Variants in TMEM132C observed in about 807,000 individuals in gnomAD.
The protein encoded by TMEM132C is transmembrane protein 132C.
In TMEM132C, 29 loss-of-function variants were observed where a neutral mutation model predicts 61.4. The ratio of observed to expected loss-of-function variants is 0.47; its 90% CI spans 0.35 to 0.64. TMEM132C has a LOEUF of 0.64. TMEM132C is among the 30% of genes least tolerant of loss of function. The pLI, the probability that TMEM132C is intolerant of heterozygous loss-of-function variation, is 0.00. For missense variants in TMEM132C, 1,408 were observed against 1,476.9 expected (o/e 0.95, Z 0.76); for synonymous variants, 656 against 633.1 (o/e 1.04, Z -0.54).
At position 128,278,122 on chromosome 12, in the gene TMEM132C, G is replaced by A. The variant is rs375655778; in HGVS notation, c.85+10635G>A. On this transcript the variant is annotated intron_variant, in intron 1 of 8. Transcript: ENST00000435159. This position sits in a 1 kb window ranked among gnomAD's most constrained non-coding sequence, Gnocchi z 4.2. ...AGTTTCTCATGCCGCAGCTGTATACGGTGACCCTAAAAGGCTTGCCCCTCT... is the reference window on the plus strand; with the variant it reads ...AGTTTCTCATGCCGCAGCTGTATACAGTGACCCTAAAAGGCTTGCCCCTCT... Among the ~76,000 whole-genome samples the A allele has an allele frequency of 5.3e-5, 8 of 151,974 alleles. No homozygotes were observed. The highest frequency in any genetic ancestry group is 3.9e-4 in the East Asian group (2 of 5,152).
intron 2 of TMEM132C, among the ~76,000 whole-genome samples, chr12:128,508,948 T>C (rs1872478647): frequency 6.6e-6 from 1 of 152,112 alleles, no homozygotes; most frequent in Non-Finnish European, 1.5e-5. Context: ...AGACTGAGCT[T>C]TAGGAGAGGA....
At chr12:128,659,963 C>T (rs1954369240) in intron 4 of TMEM132C, among the ~76,000 whole-genome samples, 1 of 152,204 alleles carries the variant, frequency 6.6e-6, no homozygotes, top group African/African-American at 2.4e-5. Flanking sequence ...ATCTCAGCTC[C>T]ACCGCGCTGC....
At chr12:128,545,553 G>A (rs573554033) in intron 3 of TMEM132C, among the ~76,000 whole-genome samples, 2 of 152,260 alleles carry the variant, frequency 1.3e-5, no homozygotes, top group South Asian at 2.1e-4. Context: ...CACTGTGATC[G>A]AACTAATTTA....
intron 3 of TMEM132C, among the ~76,000 whole-genome samples, chr12:128,609,766 G>C (rs564002027): frequency 6.6e-6 from 1 of 152,248 alleles, no homozygotes; most frequent in African/African-American, 2.4e-5. Flanking sequence ...GGGTGTGTTA[G>C]CTTAGCTCAG....
chr12:128,556,255 GT>G (rs897084924), intron 3 of TMEM132C, among the ~76,000 whole-genome samples: 127 of 152,310 alleles, frequency 8.3e-4, no homozygotes, highest in African/African-American at 3.0e-3. Flanking sequence ...AAGCCCCACA[GT>G]TTATCATCCC....
rs534615222 is a variant in TMEM132C, at chr12:128,568,060, C to T, written c.1121+23957C>T. On this transcript the variant is annotated intron_variant, in intron 3 of 8. Coordinates refer to ENST00000435159, the MANE Select transcript of TMEM132C (RefSeq NM_001136103.3). ...TCATGCAGAGACATTTACTGCTGGC[C>T]TCCTCCACAGTGCCTCGGTGTGCAG... is the stretch of plus-strand genomic sequence containing the variant. Among the ~76,000 whole-genome samples the T allele has an allele frequency of 3.9e-5, 6 of 152,330 alleles. No homozygotes were observed. The South Asian group carries it at 8.3e-4, about 21-fold the overall frequency.
intron 8 of TMEM132C, among the ~76,000 whole-genome samples, chr12:128,704,406 A>T (rs1046366739): frequency 6.6e-6 from 1 of 152,150 alleles, no homozygotes; most frequent in Non-Finnish European, 1.5e-5. Flanking sequence ...AGGGCAGCAC[A>T]ATTGAACCGG....
rs1478523998 is a variant in TMEM132C at position 128,707,161 on chromosome 12, C to T, written c.*866C>T. 1 of 152,058 alleles carries T rather than the reference C, an allele frequency of 6.6e-6. No individual in the cohort carries two copies. Among genetic ancestry groups the T allele is most frequent in the Non-Finnish European group, 1.5e-5 (1 of 68,046 alleles). 9.4% of individuals were successfully genotyped at this position (152,058 alleles called of 1,614,324 possible). A position where few individuals can be genotyped will look rare whatever the true frequency, so the allele number is the denominator to read the frequency against. ...AACTGTCCTTAATCCATCACCACTA[C>T]CATAGGGCAAAGCCAGCAGGTGTGG... On this transcript the variant is annotated 3_prime_UTR_variant, in exon 9 of 9. Transcript: ENST00000435159.
chr12:128,618,016 A>G (rs1876869280), intron 4 of TMEM132C, among the ~76,000 whole-genome samples: 1 of 152,220 alleles, frequency 6.6e-6, no homozygotes, highest in South Asian at 2.1e-4. Context: ...ACATTTTTAA[A>G]TGGTCCTGTC....
At chr12:128,496,902 G>A (rs1871981175) in intron 2 of TMEM132C, among the ~76,000 whole-genome samples, 1 of 152,184 alleles carries the variant, frequency 6.6e-6, no homozygotes, top group African/African-American at 2.4e-5. Flanking sequence ...GAAGGGGAGA[G>A]GTGCTCTGAT....
intron 1 of TMEM132C, among the ~76,000 whole-genome samples, chr12:128,323,756 C>G (rs1046203536): frequency 1.3e-5 from 2 of 152,206 alleles, no homozygotes; most frequent in African/African-American, 4.8e-5. Context: ...AGCCGGGAAG[C>G]AGCTTGCCTG....
At chr12:128,434,895 T>G (rs570723953) in intron 2 of TMEM132C, among the ~76,000 whole-genome samples, 1 of 152,242 alleles carries the variant, frequency 6.6e-6, no homozygotes, top group East Asian at 1.9e-4. Context: ...GTGCTGGGAT[T>G]GCAGGTGTGA....
At position 128,447,768 on chromosome 12, in the gene TMEM132C, G is replaced by A. The variant is rs541369173; in HGVS notation, c.974+32148G>A. ...GGAGTCTCGCTCTGTCGCCCAGGCC[G>A]GACTGCGGACTGCAGTGGCGCAATC... is the stretch of plus-strand genomic sequence containing the variant. On this transcript the variant is annotated intron_variant, in intron 2 of 8. Transcript: ENST00000435159. 1.4e-3 allele frequency among the ~76,000 whole-genome samples: 110 copies of A among 78,850 alleles called. 18 individuals carry two copies. The highest frequency in any genetic ancestry group is 7.5e-3 in the African/African-American group (104 of 13,890). The allele number at this position is 78,850 out of a possible 152,430, so 51.7% of individuals were successfully genotyped here. A position where few individuals can be genotyped will look rare whatever the true frequency, so the allele number is the denominator to read the frequency against.
intron 2 of TMEM132C, among the ~76,000 whole-genome samples, chr12:128,422,431 G>A (rs1206696027): frequency 2.0e-5 from 3 of 152,182 alleles, no homozygotes; most frequent in Non-Finnish European, 4.4e-5. Context: ...CAGAGGCGGT[G>A]ATCATTCATC....
rs1461304458 is a variant in TMEM132C, at chr12:128,307,440, T to A, written c.85+39953T>A. Reference sequence around the variant, plus strand: ...TCTCCAGATTTGAAAAAAAAAAAAATAGGAAAAAACAGCAAAGCTATTAAG... The same window carrying A: ...TCTCCAGATTTGAAAAAAAAAAAAAAAGGAAAAAACAGCAAAGCTATTAAG... On this transcript the variant is annotated intron_variant, in intron 1 of 8. Transcript: ENST00000435159. 2.2e-4 allele frequency among the ~76,000 whole-genome samples: 32 copies of A among 142,602 alleles called. No individual in the cohort carries two copies. In the East Asian group the frequency reaches 5.2e-3, roughly 23 times the overall value. 93.6% of individuals were successfully genotyped at this position (142,602 alleles called of 152,430 possible). A position where few individuals can be genotyped will look rare whatever the true frequency, so the allele number is the denominator to read the frequency against.
intron 4 of TMEM132C, among the ~76,000 whole-genome samples, chr12:128,659,102 TC>T (rs1380986131): frequency 1.1e-4 from 17 of 152,236 alleles, no homozygotes; most frequent in African/African-American, 3.9e-4. Context: ...GCAAAGTTTT[TC>T]CATAAAGGGC....
chr12:128,378,176 G>A (rs553805938), intron 1 of TMEM132C, among the ~76,000 whole-genome samples: 53 of 150,654 alleles, frequency 3.5e-4, no homozygotes, highest in Non-Finnish European at 5.8e-4. Flanking sequence ...GTGCAGTGGC[G>A]CAATCTCGGC....
At chr12:128,510,972 C>T (rs1872547165) in intron 2 of TMEM132C, among the ~76,000 whole-genome samples, 1 of 152,238 alleles carries the variant, frequency 6.6e-6, no homozygotes, top group Non-Finnish European at 1.5e-5. Flanking sequence ...TGTTACATTT[C>T]TCCTGGCTGA....
intron 1 of TMEM132C, among the ~76,000 whole-genome samples, chr12:128,396,112 T>A (rs921484914): frequency 5.3e-5 from 8 of 152,196 alleles, no homozygotes; most frequent in Admixed American, 4.6e-4. Context: ...CTGGGTAGTG[T>A]TTCTCTAAAG....
Sources: gnomAD v4.1 joint callset for allele counts (sites outside exome capture counted in the v4.1 genomes callset) on GRCh38, gnomAD v4.1.1 for gene constraint, Gnocchi (gnomAD v3.1) non-coding constraint, MANE v1.5 for transcripts, NCBI Gene and HGNC (gene_info 2026-07-23, HGNC 2026-07-21) for gene names.